Variants in KHDRBS2 observed in about 807,000 individuals in gnomAD.
KHDRBS2 encodes KH domain-containing, RNA-binding, signal transduction-associated protein 2.
A neutral mutation model predicts 44.3 loss-of-function variants in KHDRBS2; 26 were observed. That is an observed-to-expected ratio of 0.59 (90% CI 0.43 to 0.81). KHDRBS2 has a LOEUF of 0.81. Among genes scored for constraint, KHDRBS2 ranks in the 40% least tolerant of loss-of-function variants. The pLI is 0.00. For missense variants in KHDRBS2, 476 were observed against 433.1 expected (o/e 1.10, Z -0.88); for synonymous variants, 194 against 151.1 (o/e 1.28, Z -2.08).
chr6:62,271,541 T>A lies in KHDRBS2; in HGVS notation c.91+14317A>T, dbSNP rs1268268674. ...TGTTAAACAGGCTCAGGCAGATCCA[T>A]CAGGAGATATTCCAGAGGGAGATAT... On this transcript the variant is annotated intron_variant, in intron 1 of 8. Coordinates refer to ENST00000281156, the MANE Select transcript of KHDRBS2 (RefSeq NM_152688.4). Among the ~76,000 whole-genome samples, 8 of 152,178 alleles carry A rather than the reference T, an allele frequency of 5.3e-5. No individual in the cohort carries two copies. In the East Asian group the frequency reaches 1.2e-3, roughly 22 times the overall value.
At chr6:61,994,310 T>G (rs1468793204) in intron 3 of KHDRBS2, among the ~76,000 whole-genome samples, 2 of 152,168 alleles carry the variant, frequency 1.3e-5, no homozygotes, top group Non-Finnish European at 2.9e-5. Context: ...AACTCACCTC[T>G]AAAAGAATGT....
At chr6:62,114,122 C>T (rs1465135804) in intron 2 of KHDRBS2, among the ~76,000 whole-genome samples, 1 of 151,976 alleles carries the variant, frequency 6.6e-6, no homozygotes, top group African/African-American at 2.4e-5. Flanking sequence ...GGTCACTGCC[C>T]CCATGATTCA....
intron 6 of KHDRBS2, among the ~76,000 whole-genome samples, chr6:61,779,192 ATT>A (rs925899065): frequency 1.3e-5 from 2 of 151,478 alleles, no homozygotes; most frequent in Non-Finnish European, 2.9e-5. Flanking sequence ...TAGTATACCA[ATT>A]TTTTTTTATT....
chr6:62,163,683 T>C (rs1319319871), intron 2 of KHDRBS2, among the ~76,000 whole-genome samples: 2 of 152,008 alleles, frequency 1.3e-5, no homozygotes, highest in Non-Finnish European at 2.9e-5. Flanking sequence ...AATGGTTTAA[T>C]GCAAAGAGGA....
the KHDRBS2 span, among the ~76,000 whole-genome samples, chr6:61,672,082 G>A: frequency 1.4e-5 from 2 of 142,300 alleles, no homozygotes; most frequent in Non-Finnish European, 3.1e-5. Flanking sequence ...ACCTATGAGT[G>A]AGAATATGCG....
chr6:62,207,760 G>A (rs1386699532), intron 1 of KHDRBS2, among the ~76,000 whole-genome samples: 2 of 151,932 alleles, frequency 1.3e-5, no homozygotes, highest in East Asian at 1.9e-4. Flanking sequence ...AGATTAAAAC[G>A]ATACTGGATT....
chr6:62,037,225 C>T (rs1785465992), intron 3 of KHDRBS2, among the ~76,000 whole-genome samples: 1 of 151,644 alleles, frequency 6.6e-6, no homozygotes, highest in Non-Finnish European at 1.5e-5. Flanking sequence ...ATTAACTCAG[C>T]AAAGGTAGGA....
intron 6 of KHDRBS2, among the ~76,000 whole-genome samples, chr6:61,777,724 TA>T (rs1364980738): frequency 1.3e-5 from 2 of 152,140 alleles, no homozygotes; most frequent in Admixed American, 6.6e-5. Flanking sequence ...GGAAAGAGCA[TA>T]AAAACAGATT....
intron 2 of KHDRBS2, among the ~76,000 whole-genome samples, chr6:62,135,651 G>A (rs1394455154): frequency 6.6e-6 from 1 of 151,976 alleles, no homozygotes; most frequent in Non-Finnish European, 1.5e-5. Context: ...AAATGAATGG[G>A]TAAAGAAATA....
At chr6:61,576,507 A>G in the KHDRBS2 span, among the ~76,000 whole-genome samples, 1 of 152,164 alleles carries the variant, frequency 6.6e-6, no homozygotes, top group Non-Finnish European at 1.5e-5. Context: ...AGATCATATC[A>G]TCAGCAGAGA....
intron 6 of KHDRBS2, among the ~76,000 whole-genome samples, chr6:61,799,805 T>A (rs1785976705): frequency 6.6e-6 from 1 of 152,104 alleles, no homozygotes; most frequent in Non-Finnish European, 1.5e-5. Context: ...TATATCCACA[T>A]TCTTCCACTG....
intron 6 of KHDRBS2, among the ~76,000 whole-genome samples, chr6:61,746,272 T>C (rs1266729498): frequency 2.6e-5 from 4 of 152,108 alleles, no homozygotes; most frequent in African/African-American, 9.7e-5. Flanking sequence ...AAGCCTCGCA[T>C]GCATTAAGTA....
chr6:61,651,593 T>C, the KHDRBS2 span, among the ~76,000 whole-genome samples: 1 of 152,120 alleles, frequency 6.6e-6, no homozygotes, highest in Non-Finnish European at 1.5e-5. Context: ...ATGTTCATTT[T>C]ACAAATGAAA....
At chr6:62,015,266 T>G (rs1254795109) in intron 3 of KHDRBS2, among the ~76,000 whole-genome samples, 1 of 152,184 alleles carries the variant, frequency 6.6e-6, no homozygotes, top group African/African-American at 2.4e-5. Context: ...TACAATTTGA[T>G]TTTTACAGAT....
At chr6:62,093,935 T>C (rs1800018012) in intron 2 of KHDRBS2, among the ~76,000 whole-genome samples, 1 of 151,664 alleles carries the variant, frequency 6.6e-6, no homozygotes, top group Non-Finnish European at 1.5e-5. Context: ...GATAGACATT[T>C]ATGTTTGTTC....
At chr6:61,691,053 G>C (rs1285413763) in intron 8 of KHDRBS2, among the ~76,000 whole-genome samples, 1 of 151,988 alleles carries the variant, frequency 6.6e-6, no homozygotes, top group African/African-American at 2.4e-5. Flanking sequence ...GGTTGTGATA[G>C]ATCCAGTCTG....
intron 4 of KHDRBS2, among the ~76,000 whole-genome samples, chr6:61,955,089 T>C (rs1483674676): frequency 7.6e-6 from 1 of 132,106 alleles, no homozygotes; most frequent in South Asian, 2.3e-4. Flanking sequence ...TATGTATGCA[T>C]ACATATATGT....
Position 61,841,724 on chromosome 6 carries a change from G to C in KHDRBS2, c.810+52911C>G, listed in dbSNP as rs192784617. Among the ~76,000 whole-genome samples the C allele has an allele frequency of 3.4e-3, 512 of 152,264 alleles. 5 individuals are homozygous for C. Among genetic ancestry groups the C allele is most frequent in the African/African-American group, 0.011 (477 of 41,550 alleles). On this transcript the variant is annotated intron_variant, in intron 6 of 8. Transcript: ENST00000281156. ...ACACTTAGCATTGAAAAGCACAGTT[G>C]ATGTGGTGGCATTTATTATAAAGCA...
At chr6:61,546,913 G>A in the KHDRBS2 span, among the ~76,000 whole-genome samples, 1 of 152,018 alleles carries the variant, frequency 6.6e-6, no homozygotes, top group African/African-American at 2.4e-5. Context: ...TTTCCAACCA[G>A]ATTATTCCAG....
Sources: allele counts gnomAD v4.1 joint callset (sites outside exome capture counted in the v4.1 genomes callset), GRCh38; gene constraint gnomAD v4.1.1; transcripts MANE v1.5; gene names NCBI Gene and HGNC (gene_info 2026-07-23, HGNC 2026-07-21).